RFPL1: variants seen among roughly 807,000 people sequenced by gnomAD.
RFPL1 encodes the protein ret finger protein-like 1.
Under a neutral mutation model 9.6 loss-of-function variants are expected in RFPL1, and 6 were observed. The observed-to-expected ratio is 0.62, with a 90% confidence interval of 0.34 to 1.23. RFPL1 has a LOEUF of 1.23. Ranked by LOEUF, RFPL1 falls within the 50% of genes most tolerant of loss-of-function variation. The pLI is 0.03. For synonymous variants in RFPL1, 145 were observed against 149.4 expected (o/e 0.97, Z 0.22); for missense variants, 352 against 398.4 (o/e 0.88, Z 0.99).
the RFPL1 span, among the ~76,000 whole-genome samples, chr22:29,403,108 A>T: frequency 2.0e-5 from 3 of 151,956 alleles, no homozygotes. Flanking sequence ...GGTTCTTGTT[A>T]TGTCCCTTTC....
At chr22:29,439,661 T>A (rs1033820570) in intron 1 of RFPL1, 2 of 157,818 alleles carry the variant, frequency 1.3e-5, no homozygotes, top group African/African-American at 4.8e-5. Context: ...GTCTATGTCA[T>A]GGGTTAGACA....
At chr22:29,392,811 C>A in the RFPL1 span, among the ~76,000 whole-genome samples, 1 of 152,124 alleles carries the variant, frequency 6.6e-6, no homozygotes, top group Non-Finnish European at 1.5e-5. Context: ...TGTTTTAGCT[C>A]CATTTCATCT....
At chr22:29,417,141 G>A in the RFPL1 span, among the ~76,000 whole-genome samples, 1 of 152,180 alleles carries the variant, frequency 6.6e-6, no homozygotes, top group Admixed American at 6.5e-5. Flanking sequence ...TGGGGAGGAG[G>A]GAGGAGGAAA....
At chr22:29,409,867 C>T in the RFPL1 span, among the ~76,000 whole-genome samples, 1 of 152,070 alleles carries the variant, frequency 6.6e-6, no homozygotes, top group Non-Finnish European at 1.5e-5. Flanking sequence ...CAACTGAGGC[C>T]AGTTGGATGA....
At chr22:29,398,393 G>A in the RFPL1 span, among the ~76,000 whole-genome samples, 6 of 152,146 alleles carry the variant, frequency 3.9e-5, 1 homozygote, top group South Asian at 6.2e-4. Context: ...CAGACTCCAC[G>A]CAAAAATCAT....
At chr22:29,410,965 T>G in the RFPL1 span, among the ~76,000 whole-genome samples, 1 of 152,186 alleles carries the variant, frequency 6.6e-6, no homozygotes. Flanking sequence ...CATTTCATTC[T>G]GAGGCTCACA....
the RFPL1 span, among the ~76,000 whole-genome samples, chr22:29,389,611 G>A: frequency 4.2e-5 from 6 of 144,232 alleles, no homozygotes; most frequent in African/African-American, 1.5e-4. Flanking sequence ...GCGTGAACCC[G>A]GGAGGCAGAG....
At position 29,439,182 on chromosome 22, in the gene RFPL1, A is replaced by C. The variant is rs753162433; in HGVS notation, c.373+18A>C. The C allele has an allele frequency of 6.2e-7, 1 of 1,607,410 alleles. No individual in the cohort carries two copies. The highest frequency in any genetic ancestry group is 1.7e-4 in the Middle Eastern group (1 of 6,010). On this transcript the variant is annotated intron_variant, in intron 1 of 1. Coordinates refer to ENST00000354373, the Ensembl canonical transcript of RFPL1. ...GTTCCAAGGTGAGGGATCTGTATACACTGCCCCCTTCCTACGACCAGACCA... is the reference window on the plus strand; with the variant it reads ...GTTCCAAGGTGAGGGATCTGTATACCCTGCCCCCTTCCTACGACCAGACCA...
the RFPL1 span, among the ~76,000 whole-genome samples, chr22:29,420,651 T>G: frequency 7.3e-6 from 1 of 136,702 alleles, no homozygotes; most frequent in Admixed American, 7.3e-5. Context: ...TTTTTTTTTT[T>G]TTTTTTTGAG....
At chr22:29,397,260 A>G in the RFPL1 span, among the ~76,000 whole-genome samples, 1 of 152,152 alleles carries the variant, frequency 6.6e-6, no homozygotes, top group South Asian at 2.1e-4. Flanking sequence ...AACAACTGAG[A>G]CAAATCTCTT....
the RFPL1 span, among the ~76,000 whole-genome samples, chr22:29,424,629 A>G: frequency 1.3e-5 from 2 of 149,098 alleles, no homozygotes; most frequent in Non-Finnish European, 3.0e-5. Flanking sequence ...AAGGAGGACA[A>G]TTCCTTGACA....
upstream of RFPL1, chr22:29,437,480 A>G (rs71329487): frequency 0.16 from 140,914 of 855,472 alleles, 12,682 homozygotes; most frequent in Non-Finnish European, 0.19. Context: ...TTATCTTCAT[A>G]TGAAAGAAAA....
chr22:29,395,475 G>A, the RFPL1 span, among the ~76,000 whole-genome samples: 1 of 148,274 alleles, frequency 6.7e-6, no homozygotes, highest in African/African-American at 2.5e-5. Flanking sequence ...CCCCAGGGCA[G>A]AGAGGCCTAG....
the RFPL1 span, among the ~76,000 whole-genome samples, chr22:29,395,175 C>T: frequency 4.6e-5 from 7 of 152,156 alleles, no homozygotes; most frequent in African/African-American, 1.2e-4. Context: ...TAACCGCCAC[C>T]GTTCCCTTCA....
At chr22:29,420,583 C>T in the RFPL1 span, among the ~76,000 whole-genome samples, 1 of 149,518 alleles carries the variant, frequency 6.7e-6, no homozygotes, top group Admixed American at 6.7e-5. Flanking sequence ...CCCTCCTCAG[C>T]CTCCCAAAGC....
upstream of RFPL1, chr22:29,436,612 A>AAAAAAG (rs1555943232): frequency 6.6e-6 from 1 of 151,936 alleles, no homozygotes; most frequent in Admixed American, 6.6e-5. Flanking sequence ...AAAAAAAAAA[A>AAAAAAG]AAAGAAAGAA....
At chr22:29,417,317 C>A in the RFPL1 span, among the ~76,000 whole-genome samples, 1 of 152,114 alleles carries the variant, frequency 6.6e-6, no homozygotes, top group Non-Finnish European at 1.5e-5. Context: ...TGGAAGGAGG[C>A]CCAGTTGTCC....
chr22:29,441,466 T>G (rs2062838424), intron 1 of RFPL1, 76 bp from the exon 2 acceptor site: 4 of 1,477,166 alleles, frequency 2.7e-6, no homozygotes, highest in Admixed American at 2.2e-5. Flanking sequence ...AAGAGATATT[T>G]GGGCCTTTGA....
At chr22:29,412,218 G>A in the RFPL1 span, among the ~76,000 whole-genome samples, 8 of 152,126 alleles carry the variant, frequency 5.3e-5, no homozygotes, top group African/African-American at 7.2e-5. Flanking sequence ...GACACAGAGA[G>A]GTCCCAGACC....
Sources: allele counts gnomAD v4.1 joint callset (sites outside exome capture counted in the v4.1 genomes callset), GRCh38; gene constraint gnomAD v4.1.1; transcripts MANE v1.5; gene names NCBI Gene and HGNC (gene_info 2026-07-23, HGNC 2026-07-21).